The following HSD17B4 variants were observed in gnomAD, a reference collection of about 807,000 sequenced individuals.
The protein encoded by HSD17B4 is hydroxysteroid 17-beta dehydrogenase 4.
Under a neutral mutation model 101.0 loss-of-function variants are expected in HSD17B4, and 70 were observed. That is an observed-to-expected ratio of 0.69 (90% CI 0.57 to 0.85). HSD17B4 has a LOEUF of 0.85. Ranked by LOEUF, HSD17B4 falls within the 40% of genes least tolerant of loss-of-function variation. HSD17B4 has a pLI of 0.00. For synonymous variants in HSD17B4, 347 were observed against 297.1 expected (o/e 1.17, Z -1.73); for missense variants, 984 against 892.4 (o/e 1.10, Z -1.31).
intron 16 of HSD17B4, among the ~76,000 whole-genome samples, chr5:119,514,155 C>T (rs545689649): frequency 1.1e-4 from 16 of 152,140 alleles, no homozygotes; most frequent in East Asian, 1.9e-4. Context: ...TTTTGAAAAA[C>T]GGCAGCCTGA....
At chr5:119,483,623 G>C (rs1749344163) in intron 8 of HSD17B4, among the ~76,000 whole-genome samples, 1 of 152,008 alleles carries the variant, frequency 6.6e-6, no homozygotes, top group African/African-American at 2.4e-5. Flanking sequence ...TGTGTAAAAG[G>C]AAAGACTTTT....
chr5:119,516,198 T>C (rs1470741201), intron 17 of HSD17B4, among the ~76,000 whole-genome samples: 2 of 152,198 alleles, frequency 1.3e-5, no homozygotes, highest in Non-Finnish European at 2.9e-5. Context: ...AAATATTTTT[T>C]CCATCCATTA....
At chr5:119,531,820 C>T (rs1037323968) in intron 22 of HSD17B4, among the ~76,000 whole-genome samples, 2 of 152,030 alleles carry the variant, frequency 1.3e-5, no homozygotes, top group Non-Finnish European at 2.9e-5. Flanking sequence ...CATACCAAAA[C>T]AATAATTTGG....
intron 2 of HSD17B4, 95 bp from the exon 3 acceptor site, chr5:119,473,813 G>A (rs1748281125): frequency 1.3e-6 from 1 of 775,256 alleles, no homozygotes; most frequent in Non-Finnish European, 2.3e-6. Context: ...CTGAAGAGAT[G>A]TGCTAGTAAT....
chr5:119,503,066 A>G (rs773406444), intron 14 of HSD17B4, among the ~76,000 whole-genome samples: 44 of 142,774 alleles, frequency 3.1e-4, no homozygotes, highest in Non-Finnish European at 5.5e-4. Context: ...CTCAATCCCA[A>G]CCTTGGAAAT....
chr5:119,487,278 T>C (rs1749698602), intron 8 of HSD17B4: 1 of 150,868 alleles, frequency 6.6e-6, no homozygotes, highest in Non-Finnish European at 1.5e-5. Flanking sequence ...GGATACCTTC[T>C]TTATCTCAGT....
chr5:119,515,132 C>T (rs534968534), intron 17 of HSD17B4, 86 bp downstream of exon 17: 1 of 783,846 alleles, frequency 1.3e-6, no homozygotes, highest in Admixed American at 1.7e-5. Flanking sequence ...TAACATTATG[C>T]ATCTAATGCA....
chr5:119,517,166 G>C (rs1269433308), intron 17 of HSD17B4, among the ~76,000 whole-genome samples: 1 of 152,228 alleles, frequency 6.6e-6, no homozygotes, highest in Non-Finnish European at 1.5e-5. Flanking sequence ...TGAGTTCTGG[G>C]TGGGCGTGGG....
chr5:119,534,916 C>A (rs1422722848), intron 22 of HSD17B4, among the ~76,000 whole-genome samples: 1 of 152,002 alleles, frequency 6.6e-6, no homozygotes, highest in Non-Finnish European at 1.5e-5. Context: ...AAAACAATTT[C>A]TGACTTTCCA....
chr5:119,527,735 C>CA (rs1212600858), intron 20 of HSD17B4, among the ~76,000 whole-genome samples: 1 of 151,978 alleles, frequency 6.6e-6, no homozygotes, highest in Non-Finnish European at 1.5e-5. Flanking sequence ...GAGTTAGAGA[C>CA]AAAATTAGTT....
intron 10 of HSD17B4, 190 bp downstream of exon 10, chr5:119,492,314 C>T (rs1750182590): frequency 1.6e-6 from 1 of 615,096 alleles, no homozygotes; most frequent in South Asian, 1.9e-5. Context: ...GTCTGTGGCC[C>T]TTTCAAGACC....
chr5:119,527,240 C>G (rs1018720540), intron 20 of HSD17B4, 21 bp downstream of exon 20: 1 of 1,330,624 alleles, frequency 7.5e-7, no homozygotes, highest in Non-Finnish European at 1.1e-6. Context: ...TGCTTTTTCA[C>G]CCTTCTCACA....
intron 8 of HSD17B4, among the ~76,000 whole-genome samples, chr5:119,488,460 A>T (rs554301783): frequency 2.6e-5 from 4 of 152,290 alleles, no homozygotes; most frequent in Non-Finnish European, 4.4e-5. Flanking sequence ...TTTATTGTGT[A>T]TTTCAAAATA....
chr5:119,475,054 T>G (rs1290003948), intron 4 of HSD17B4, among the ~76,000 whole-genome samples: 1 of 152,118 alleles, frequency 6.6e-6, no homozygotes, highest in Non-Finnish European at 1.5e-5. Flanking sequence ...TTACTTATTC[T>G]TAATTGAATG....
At chr5:119,472,252 A>G (rs557279145) in intron 2 of HSD17B4, among the ~76,000 whole-genome samples, 17 of 152,306 alleles carry the variant, frequency 1.1e-4, no homozygotes, top group African/African-American at 3.6e-4. Flanking sequence ...ATTCTTATAC[A>G]TAAAGACTTT....
At chr5:119,525,186 GT>G (rs1372347291) in intron 17 of HSD17B4, 29 bp from the exon 18 acceptor site, 4 of 1,511,486 alleles carry the variant, frequency 2.6e-6, no homozygotes, top group Non-Finnish European at 3.7e-6. Context: ...AAAACACTGA[GT>G]TCTAGTTATG....
Position 119,529,982 on chromosome 5 carries a change from T to C in HSD17B4, c.1854+2T>C. On this transcript the variant is annotated splice_donor_variant, in intron 21 of 23. Coordinates refer to ENST00000510025, the MANE Select transcript of HSD17B4 (RefSeq NM_000414.4). LOFTEE classifies it high-confidence loss of function. Reference sequence around the variant, plus strand: ...ACTTCAGCTAAGACACCCTCTGAGGTAGGTTATAAAAATTAGTATCCAAGC... The same window carrying C: ...ACTTCAGCTAAGACACCCTCTGAGGCAGGTTATAAAAATTAGTATCCAAGC... 1 of 1,578,214 alleles carries C rather than the reference T, an allele frequency of 6.3e-7. No homozygotes were observed. The highest frequency in any genetic ancestry group is 8.7e-7 in the Non-Finnish European group (1 of 1,147,918).
At chr5:119,530,543 A>C (rs1490939341) in intron 21 of HSD17B4, among the ~76,000 whole-genome samples, 2 of 146,474 alleles carry the variant, frequency 1.4e-5, no homozygotes, top group Admixed American at 1.4e-4. Context: ...AAATCCCTTA[A>C]GAATAGTCTA....
chr5:119,504,462 A>G (rs1021529979), intron 14 of HSD17B4, among the ~76,000 whole-genome samples: 1 of 152,100 alleles, frequency 6.6e-6, no homozygotes, highest in South Asian at 2.1e-4. Flanking sequence ...TTGACTTTTT[A>G]GTAATAGCCA....
Sources: allele counts gnomAD v4.1 joint callset (sites outside exome capture counted in the v4.1 genomes callset), GRCh38; gene constraint gnomAD v4.1.1; transcripts MANE v1.5; gene names NCBI Gene and HGNC (gene_info 2026-07-23, HGNC 2026-07-21).